The following MR1 variants were observed in gnomAD, a reference collection of about 807,000 sequenced individuals.
MR1 encodes major histocompatibility complex, class I-related, also known as major histocompatibility complex class I-related protein 1.
In MR1, 44 loss-of-function variants were observed where a neutral mutation model predicts 37.8. The ratio of observed to expected loss-of-function variants is 1.16; its 90% confidence interval spans 0.91 to 1.50. The LOEUF (loss-of-function observed/expected upper bound fraction) is 1.50. Ranked by LOEUF, MR1 falls within the 40% of genes most tolerant of loss-of-function variation. The probability of loss-of-function intolerance (pLI) is 0.00; values close to 1 mark genes in which losing one functional copy is unlikely to be tolerated. For missense variants in MR1, 386 were observed against 419.1 expected (o/e 0.92, Z 0.69); for synonymous variants, 153 against 155.8 (o/e 0.98, Z 0.13).
In MR1 at chr1:181,058,892, C is replaced by T. The variant is rs919815426; in HGVS notation, c.*3627C>T. On this transcript the variant is annotated 3_prime_UTR_variant, in exon 6 of 6. Transcript: ENST00000367580. ...CTGTCTCAGCTGGTCAGTACACCTT[C>T]CAGCAGGAAAATCTACATAAGAACA... 1 of 152,214 alleles carries T rather than the reference C, an allele frequency of 6.6e-6. No individual in the cohort carries two copies. Among genetic ancestry groups the T allele is most frequent in the Non-Finnish European group, 1.5e-5 (1 of 68,028 alleles). The allele number at this position is 152,214 out of a possible 1,614,324, so 9.4% of individuals were successfully genotyped here.
intron 2 of MR1, 187 bp from the exon 3 acceptor site, chr1:181,049,824 A>G: frequency 3.2e-6 from 2 of 631,870 alleles, no homozygotes; most frequent in South Asian, 3.9e-5. Context: ...TAGGTACTTC[A>G]CAGATACCTG....
chr1:181,042,180 C>T (rs966500497), intron 1 of MR1, among the ~76,000 whole-genome samples: 30 of 151,678 alleles, frequency 2.0e-4, no homozygotes, highest in Admixed American at 6.6e-4. Context: ...ATTCACCAGC[C>T]TTCCCTTGAA....
At position 181,052,314 on chromosome 1, in the gene MR1, C is replaced by G; in HGVS notation, c.684C>G (p.Tyr228Ter). The change falls in exon 4 of 6, where the codon TAC becomes TAG. Residue 228 changes from tyrosine (Y) to a stop codon, truncating the protein, a stop_gained. Transcript: ENST00000367580. LOFTEE classifies it high-confidence loss of function. ...TALFCKAHGF[Y>*]PPEIYMTWMK... ...TCTTCTGCAAAGCTCATGGCTTTTA[C>G]CCCCCAGAAATTTACATGACATGGA... The G allele has an allele frequency of 3.7e-6, 6 of 1,614,116 alleles. No individual in the cohort carries two copies. The highest frequency in any genetic ancestry group is 5.1e-6 in the Non-Finnish European group (6 of 1,180,014).
chr1:181,046,245 C>T (rs1657859606), intron 1 of MR1, among the ~76,000 whole-genome samples: 1 of 152,272 alleles, frequency 6.6e-6, no homozygotes, highest in Non-Finnish European at 1.5e-5. Context: ...GGCAGCTCCA[C>T]CTGCAGCCCC....
chr1:181,047,014 G>C (rs1192704518), intron 1 of MR1, among the ~76,000 whole-genome samples: 1 of 152,054 alleles, frequency 6.6e-6, no homozygotes, highest in Non-Finnish European at 1.5e-5. Context: ...TCACCGCGAG[G>C]GTCCACGGCT....
Position 181,048,990 on chromosome 1 carries a change from G to T in MR1, c.68-62G>T, listed in dbSNP as rs1298930435. On this transcript the variant is annotated intron_variant, in intron 1 of 5. Coordinates refer to ENST00000367580, the MANE Select transcript of MR1 (RefSeq NM_001385161.1). Reference sequence around the variant, plus strand: ...AGCACTCGTGTGGGGCTAAATGAATGCAGTTGAAGGATCTGGATCATCTGG... The same window carrying T: ...AGCACTCGTGTGGGGCTAAATGAATTCAGTTGAAGGATCTGGATCATCTGG... 4 of 1,565,864 alleles carry T rather than the reference G, an allele frequency of 2.6e-6. No homozygotes were observed. In the Admixed American group the frequency reaches 7.0e-5, roughly 28 times the overall value.
intron 4 of MR1, among the ~76,000 whole-genome samples, chr1:181,053,273 T>G (rs191548596): frequency 6.6e-6 from 1 of 151,644 alleles, no homozygotes; most frequent in East Asian, 1.9e-4. Flanking sequence ...TCCCAGCTAC[T>G]GAGGAGGCTA....
intron 2 of MR1, 151 bp from the exon 3 acceptor site, chr1:181,049,860 G>T (rs1229559035): frequency 2.4e-6 from 2 of 834,748 alleles, no homozygotes; most frequent in African/African-American, 3.4e-5. Context: ...CCATAAGGGG[G>T]ACCTCCTGGG....
chr1:181,052,395 T>C lies in MR1; in HGVS notation c.765T>C (p.Ser255=). Reference sequence around the variant, plus strand: ...TTGATTATGGAGACATTCTTCCCAGTGGGGATGGAACCTATCAGGCGTGGG... The same window carrying C: ...TTGATTATGGAGACATTCTTCCCAGCGGGGATGGAACCTATCAGGCGTGGG... The part of the protein sequence containing the change: ...QEIDYGDILP[S]GDGTYQAWAS... The change falls in exon 4 of 6, where the codon AGT becomes AGC. Residue 255 remains serine, a synonymous_variant. Coordinates refer to ENST00000367580, the MANE Select transcript of MR1 (RefSeq NM_001385161.1). 1 of 1,614,180 alleles carries C rather than the reference T, an allele frequency of 6.2e-7. No individual in the cohort carries two copies. Among genetic ancestry groups the C allele is most frequent in the Non-Finnish European group, 8.5e-7 (1 of 1,180,034 alleles).
intron 1 of MR1, among the ~76,000 whole-genome samples, chr1:181,043,220 G>A (rs548658524): frequency 6.6e-6 from 1 of 152,290 alleles, no homozygotes; most frequent in African/African-American, 2.4e-5. Context: ...AAGGGAAGGG[G>A]GAAGTAAAAG....
At chr1:181,036,046 A>G in intron 1 of MR1, among the ~76,000 whole-genome samples, 1 of 152,050 alleles carries the variant, frequency 6.6e-6, no homozygotes, top group East Asian at 1.9e-4. Context: ...AATGGGAGAC[A>G]CTGAAAGGAG....
chr1:181,046,395 C>T lies in MR1; in HGVS notation c.68-2657C>T, dbSNP rs547599089. Among the ~76,000 whole-genome samples, 4 of 152,310 alleles carry T rather than the reference C, an allele frequency of 2.6e-5. No homozygotes were observed. In the South Asian group the frequency reaches 8.3e-4, roughly 32 times the overall value. On this transcript the variant is annotated intron_variant, in intron 1 of 5. Transcript: ENST00000367580. ...CTCAAGGTTTGTAAACACCAATCAG[C>T]ACCCTGTGTCTAGCTCAGGGTTTGT...
Position 181,058,957 on chromosome 1 carries a change from T to A in MR1, c.*3692T>A, listed in dbSNP as rs944117018. The stretch of plus-strand genomic sequence containing the variant: ...TGTAGAGTGCTTGATGACCCCAGAA[T>A]TGGTGCAAGGGGACACATTCTTGCT... On this transcript the variant is annotated 3_prime_UTR_variant, in exon 6 of 6. Coordinates refer to ENST00000367580, the MANE Select transcript of MR1 (RefSeq NM_001385161.1). 1.3e-5 allele frequency: 2 copies of A among 152,254 alleles called. No individual in the cohort carries two copies. Among genetic ancestry groups the A allele is most frequent in the African/African-American group, 2.4e-5 (1 of 41,458 alleles). 9.4% of individuals were successfully genotyped at this position (152,254 alleles called of 1,614,324 possible). A position where few individuals can be genotyped will look rare whatever the true frequency, so the allele number is the denominator to read the frequency against.
intron 1 of MR1, among the ~76,000 whole-genome samples, chr1:181,045,281 A>G (rs1206480874): frequency 6.6e-6 from 1 of 152,202 alleles, no homozygotes; most frequent in African/African-American, 2.4e-5. Context: ...GGGCATCTGC[A>G]GACACCGGCA....
In MR1 at chr1:181,050,288, T is replaced by C; in HGVS notation, c.604+2T>C. 1 of 1,614,060 alleles carries C rather than the reference T, an allele frequency of 6.2e-7. No homozygotes were observed. Among genetic ancestry groups the C allele is most frequent in the Non-Finnish European group, 8.5e-7 (1 of 1,179,986 alleles). On this transcript the variant is annotated splice_donor_variant, in intron 3 of 5. Coordinates refer to ENST00000367580, the MANE Select transcript of MR1 (RefSeq NM_001385161.1). LOFTEE classifies it high-confidence loss of function. ...GGAAAGACACCCTACAAAGAACAGG[T>C]AAAGAGAAAGAGAAGGCCTCATTCC... is the stretch of plus-strand genomic sequence containing the variant.
In MR1 at chr1:181,060,898, C is replaced by T. The variant is rs1341887284; in HGVS notation, c.*5633C>T. ...TAAATATGAGTTCAGACCCTGGGGCCTGGACATAAGATTTGGGGTCCCCTG... is the reference window on the plus strand; with the variant it reads ...TAAATATGAGTTCAGACCCTGGGGCTTGGACATAAGATTTGGGGTCCCCTG... On this transcript the variant is annotated 3_prime_UTR_variant, in exon 6 of 6. Transcript: ENST00000367580. 6.6e-6 allele frequency: 1 copy of T among 152,204 alleles called. No individual in the cohort carries two copies. The highest frequency in any genetic ancestry group is 1.9e-4 in the East Asian group (1 of 5,188). The allele number at this position is 152,204 out of a possible 1,614,324, so 9.4% of individuals were successfully genotyped here.
At chr1:181,048,435 T>G (rs1658047062) in intron 1 of MR1, among the ~76,000 whole-genome samples, 1 of 150,456 alleles carries the variant, frequency 6.6e-6, no homozygotes, top group Admixed American at 6.6e-5. Context: ...CCTGGGAGGC[T>G]GGAGCAGGAC....
intron 1 of MR1, among the ~76,000 whole-genome samples, chr1:181,042,785 C>T (rs891291780): frequency 9.2e-5 from 14 of 151,932 alleles, no homozygotes; most frequent in African/African-American, 2.7e-4. Context: ...CCAACCTGGG[C>T]GACAGAATGA....
At position 181,034,163 on chromosome 1, in the gene MR1, A is replaced by C. The variant is rs1657153902; in HGVS notation, c.67+89A>C. The C allele has an allele frequency of 1.1e-5, 15 of 1,312,602 alleles. 1 individual carries two copies. In the South Asian group the frequency reaches 1.9e-4, roughly 16 times the overall value. The allele number at this position is 1,312,602 out of a possible 1,614,324, so 81.3% of individuals were successfully genotyped here. On this transcript the variant is annotated intron_variant, in intron 1 of 5. Transcript: ENST00000367580. The stretch of plus-strand genomic sequence containing the variant: ...TTTCTTCCTAAAACTTGTGGTGAAA[A>C]ATATAGAAGCCAGGGGCAGAAACGT...
Sources: allele counts gnomAD v4.1 joint callset (sites outside exome capture counted in the v4.1 genomes callset), GRCh38; gene constraint gnomAD v4.1.1; transcripts MANE v1.5; gene names NCBI Gene and HGNC (gene_info 2026-07-23, HGNC 2026-07-21).